The following GNA14 variants were observed in gnomAD, a reference collection of about 807,000 sequenced individuals.
GNA14 encodes G protein subunit alpha 14.
Under a neutral mutation model 42.0 loss-of-function variants are expected in GNA14, and 50 were observed. The observed-to-expected ratio is 1.19, with a 90% CI of 0.95 to 1.51. The LOEUF is 1.51. GNA14 is among the 40% of genes most tolerant of loss of function. The probability of loss-of-function intolerance (pLI) is 0.00; values close to 1 mark genes in which losing one functional copy is unlikely to be tolerated. For missense variants in GNA14, 473 were observed against 446.2 expected (o/e 1.06, Z -0.54); for synonymous variants, 173 against 163.1 (o/e 1.06, Z -0.46).
chr9:77,575,489 T>C (rs1266568830), intron 1 of GNA14, among the ~76,000 whole-genome samples: 2 of 152,242 alleles, frequency 1.3e-5, no homozygotes, highest in African/African-American at 4.8e-5. Flanking sequence ...AAAAATTTAC[T>C]TCCAGGTCTT....
At chr9:77,463,381 G>C (rs1825564358) in intron 2 of GNA14, among the ~76,000 whole-genome samples, 2 of 151,900 alleles carry the variant, frequency 1.3e-5, no homozygotes, top group South Asian at 4.1e-4. Context: ...GGAATCAGTG[G>C]ATGTCACTTA....
chr9:77,513,422 T>C (rs544562398), intron 2 of GNA14, among the ~76,000 whole-genome samples: 3 of 152,338 alleles, frequency 2.0e-5, no homozygotes, highest in Admixed American at 1.3e-4. Flanking sequence ...AGTACCTACA[T>C]TGAAGAACTA....
chr9:77,452,037 C>T (rs1057065784), intron 2 of GNA14, among the ~76,000 whole-genome samples: 3 of 152,166 alleles, frequency 2.0e-5, no homozygotes, highest in Non-Finnish European at 4.4e-5. Context: ...TGGTCTCACA[C>T]CGCATCCCAG....
At chr9:77,575,982 G>A (rs1161755519) in intron 1 of GNA14, among the ~76,000 whole-genome samples, 2 of 152,204 alleles carry the variant, frequency 1.3e-5, no homozygotes, top group African/African-American at 4.8e-5. Flanking sequence ...AAGCTGCACC[G>A]CTGGTGCTAT....
chr9:77,549,375 CCCATGAACT>C (rs1837763070), intron 1 of GNA14, among the ~76,000 whole-genome samples: 1 of 152,220 alleles, frequency 6.6e-6, no homozygotes, highest in Non-Finnish European at 1.5e-5. Context: ...AAGTTTGCCA[CCCATGAACT>C]CCATGAATTC....
rs59321037 is a variant in GNA14, at chr9:77,467,000, GGTGTGTGTGT to G, written c.310-32488_310-32479del. On this transcript the variant is annotated intron_variant, in intron 2 of 6. Transcript: ENST00000341700. Reference sequence around the variant, plus strand: ...AGGGTTTTTTTGCCTTTTACCACTCGGTGTGTGTGTGTGTGTGTGTGTGTGTGTGTGTGTG... The same window carrying G: ...AGGGTTTTTTTGCCTTTTACCACTCGGTGTGTGTGTGTGTGTGTGTGTGTG... Among the ~76,000 whole-genome samples, 20 of 143,618 alleles carry G rather than the reference GGTGTGTGTGT, an allele frequency of 1.4e-4. No individual in the cohort carries two copies. In the East Asian group the frequency reaches 1.4e-3, roughly 10 times the overall value. The allele number at this position is 143,618 out of a possible 152,430, so 94.2% of individuals were successfully genotyped here.
At chr9:77,495,028 G>T (rs1279243066) in intron 2 of GNA14, among the ~76,000 whole-genome samples, 1 of 152,152 alleles carries the variant, frequency 6.6e-6, no homozygotes, top group Non-Finnish European at 1.5e-5. Context: ...TTGAACTCCT[G>T]ACCTCAGGTG....
intron 2 of GNA14, among the ~76,000 whole-genome samples, chr9:77,447,945 G>C (rs1305594321): frequency 6.6e-6 from 1 of 152,232 alleles, no homozygotes; most frequent in East Asian, 1.9e-4. Context: ...AGAGCATGCT[G>C]TCTACCACTC....
At chr9:77,581,813 A>G (rs541371464) in intron 1 of GNA14, among the ~76,000 whole-genome samples, 28 of 152,174 alleles carry the variant, frequency 1.8e-4, no homozygotes, top group African/African-American at 5.5e-4. Context: ...TCATCATCCA[A>G]CTTCATCTGT....
At chr9:77,577,244 A>G (rs1176801833) in intron 1 of GNA14, among the ~76,000 whole-genome samples, 2 of 152,202 alleles carry the variant, frequency 1.3e-5, no homozygotes, top group East Asian at 3.8e-4. Flanking sequence ...ACCTGAATTT[A>G]CTGCTTTGGG....
intron 2 of GNA14, among the ~76,000 whole-genome samples, chr9:77,491,609 A>G (rs1473842817): frequency 1.3e-5 from 2 of 152,234 alleles, no homozygotes; most frequent in East Asian, 1.9e-4. Flanking sequence ...GCAAGAGGAT[A>G]TAACAATTAT....
At chr9:77,451,357 T>C (rs1055917688) in intron 2 of GNA14, among the ~76,000 whole-genome samples, 1 of 152,216 alleles carries the variant, frequency 6.6e-6, no homozygotes, top group Admixed American at 6.5e-5. Context: ...ACATTCTTTT[T>C]TCAAAGTATA....
At chr9:77,641,183 G>A (rs1339821574) in intron 1 of GNA14, among the ~76,000 whole-genome samples, 1 of 144,948 alleles carries the variant, frequency 6.9e-6, no homozygotes, top group Admixed American at 7.1e-5. Flanking sequence ...GAAGGGCAAA[G>A]GTAAGGCTGT....
intron 2 of GNA14, among the ~76,000 whole-genome samples, chr9:77,515,450 G>A (rs1469555200): frequency 6.6e-6 from 1 of 152,238 alleles, no homozygotes; most frequent in African/African-American, 2.4e-5. Context: ...AGCCACTGCT[G>A]CCAAAAACCA....
intron 1 of GNA14, among the ~76,000 whole-genome samples, chr9:77,591,963 G>A (rs1309983333): frequency 1.4e-5 from 2 of 144,964 alleles, no homozygotes; most frequent in East Asian, 4.1e-4. Flanking sequence ...CACCTAGGCT[G>A]GAGTGCAGTG....
At chr9:77,550,881 T>C (rs1189160905) in intron 1 of GNA14, among the ~76,000 whole-genome samples, 1 of 152,252 alleles carries the variant, frequency 6.6e-6, no homozygotes, top group East Asian at 1.9e-4. Context: ...ACTGGAAATT[T>C]AGCTACGCTA....
At chr9:77,493,940 T>C (rs551436329) in intron 2 of GNA14, among the ~76,000 whole-genome samples, 27 of 152,272 alleles carry the variant, frequency 1.8e-4, no homozygotes, top group Non-Finnish European at 3.1e-4. Flanking sequence ...TTTTTGTTTT[T>C]GACAGAGTCT....
chr9:77,539,224 GA>G (rs1474908652), intron 1 of GNA14, among the ~76,000 whole-genome samples: 6 of 152,312 alleles, frequency 3.9e-5, no homozygotes, highest in Admixed American at 3.9e-4. Context: ...AAGGTATGTT[GA>G]ATTTTGTCAA....
chr9:77,437,442 A>G (rs2131694412), intron 2 of GNA14, among the ~76,000 whole-genome samples: 1 of 152,142 alleles, frequency 6.6e-6, no homozygotes, highest in South Asian at 2.1e-4. Context: ...GCTACTCGGG[A>G]GGCTGAGGCA....
Sources: gnomAD v4.1 joint callset for allele counts (sites outside exome capture counted in the v4.1 genomes callset) on GRCh38, gnomAD v4.1.1 for gene constraint, MANE v1.5 for transcripts, NCBI Gene and HGNC (gene_info 2026-07-23, HGNC 2026-07-21) for gene names.